The following UBXN11 variants were observed in gnomAD, a reference collection of about 807,000 sequenced individuals.
UBXN11 encodes the protein UBX domain protein 11.
UBXN11 carries 47 observed loss-of-function variants against 62.8 expected under a neutral mutation model. The observed-to-expected ratio is 0.75, with a 90% CI of 0.59 to 0.95. The LOEUF is 0.95. Ranked by LOEUF, UBXN11 falls within the 40% of genes least tolerant of loss-of-function variation. UBXN11 has a pLI of 0.00. For missense variants in UBXN11, 638 were observed against 661.7 expected, an observed-to-expected ratio of 0.96 and a Z score of 0.39; for synonymous variants, 294 against 267.0, an observed-to-expected ratio of 1.10 and a Z score of -0.99.
intron 1 of UBXN11, among the ~76,000 whole-genome samples, chr1:26,304,333 C>T (rs906334864): frequency 1.1e-4 from 16 of 152,158 alleles, no homozygotes; most frequent in African/African-American, 3.1e-4. Flanking sequence ...GGCAGCCTCA[C>T]GGGTTGTATG....
At chr1:26,284,300 C>A in intron 11 of UBXN11, 55 bp from the exon 12 acceptor site, 4 of 1,609,934 alleles carry the variant, frequency 2.5e-6, no homozygotes, top group Non-Finnish European at 3.4e-6. Flanking sequence ...GGTGGTGGAG[C>A]CCCCCTGGAG....
chr1:26,313,609 A>G (rs551270170), intron 1 of UBXN11, among the ~76,000 whole-genome samples: 1 of 152,282 alleles, frequency 6.6e-6, no homozygotes, highest in African/African-American at 2.4e-5. Context: ...GCAGGCACCC[A>G]ATAAACACAT....
chr1:26,306,833 G>GGGGGGT (rs2073680953), upstream of UBXN11: 35 of 32,142 alleles, frequency 1.1e-3, 1 homozygote, highest in Non-Finnish European at 2.9e-3. Context: ...GCGGGGTGGG[G>GGGGGGT]GGGGGGGGTG....
chr1:26,297,106 C>A, intron 6 of UBXN11, 111 bp from the exon 7 acceptor site: 1 of 1,259,664 alleles, frequency 7.9e-7, no homozygotes, highest in Non-Finnish European at 1.1e-6. Context: ...CCAAGAACTG[C>A]CTCTTGGCCC....
At chr1:26,287,841 G>A (rs1050581427) in intron 8 of UBXN11, among the ~76,000 whole-genome samples, 2 of 151,376 alleles carry the variant, frequency 1.3e-5, no homozygotes, top group Admixed American at 6.6e-5. Context: ...ACTACCTTAA[G>A]GACAAATAGG....
At chr1:26,300,900 C>T (rs755513090) in intron 4 of UBXN11, 26 bp downstream of exon 4, 109 of 1,614,016 alleles carry the variant, frequency 6.8e-5, no homozygotes, top group Middle Eastern at 3.3e-4. Context: ...AGCCAGGACC[C>T]AGACCCTTCA....
At chr1:26,314,335 G>A (rs916907743) in intron 1 of UBXN11, among the ~76,000 whole-genome samples, 3 of 152,118 alleles carry the variant, frequency 2.0e-5, no homozygotes, top group Non-Finnish European at 4.4e-5. Flanking sequence ...GGGGGAGTTT[G>A]TCAGGGCTCC....
In UBXN11 at chr1:26,315,082, C is replaced by T. The variant is rs573075976; in HGVS notation, c.-149+2965G>A. ...GGGTGACAACGGCAAGAACCTGACT[C>T]GAGGGGAAAAAAAAAGAGTTTGCCA... On this transcript the variant is annotated intron_variant, in intron 1 of 14. Transcript: ENST00000374217. Among the ~76,000 whole-genome samples the T allele has an allele frequency of 4.0e-4, 60 of 151,222 alleles. 1 individual carries two copies. In the South Asian group the frequency reaches 0.012, roughly 31 times the overall value.
At chr1:26,309,832 A>G (rs2073723489), upstream of UBXN11, among the ~76,000 whole-genome samples, 1 of 152,246 alleles carries the variant, frequency 6.6e-6, no homozygotes. Flanking sequence ...TAAATTTTCC[A>G]TAATGAGGCA....
chr1:26,297,096 C>T, intron 6 of UBXN11, 101 bp from the exon 7 acceptor site: 1 of 1,345,400 alleles, frequency 7.4e-7, no homozygotes, highest in Non-Finnish European at 1.0e-6. Context: ...TGGGGATCCC[C>T]CAAGAACTGC....
chr1:26,311,884 T>C (rs1351566834), intron 1 of UBXN11, among the ~76,000 whole-genome samples: 1 of 151,882 alleles, frequency 6.6e-6, no homozygotes, highest in Admixed American at 6.6e-5. Flanking sequence ...AATAAAGGAG[T>C]TCCTCCAAGT....
intron 12 of UBXN11, 140 bp from the exon 13 acceptor site, chr1:26,283,077 G>T: frequency 1.8e-6 from 2 of 1,081,722 alleles, no homozygotes; most frequent in Non-Finnish European, 2.7e-6. Flanking sequence ...TATAAACCAA[G>T]GCCAGAGGAG....
At chr1:26,310,527 A>G (rs2073730654), upstream of UBXN11, among the ~76,000 whole-genome samples, 1 of 124,080 alleles carries the variant, frequency 8.1e-6, no homozygotes. Flanking sequence ...AACAAGAGCA[A>G]GACTCCATCT....
chr1:26,313,691 G>C (rs1241019622), intron 1 of UBXN11, among the ~76,000 whole-genome samples: 1 of 151,772 alleles, frequency 6.6e-6, no homozygotes, highest in Non-Finnish European at 1.5e-5. Flanking sequence ...TGCCCAATCT[G>C]ATGTTAAACC....
intron 7 of UBXN11, among the ~76,000 whole-genome samples, chr1:26,295,654 C>G (rs1470652258): frequency 6.8e-6 from 1 of 146,424 alleles, no homozygotes; most frequent in Non-Finnish European, 1.5e-5. Context: ...TCCTCACTCA[C>G]CAGACATCAT....
chr1:26,296,173 C>T (rs2073387461), intron 7 of UBXN11, among the ~76,000 whole-genome samples: 1 of 152,220 alleles, frequency 6.6e-6, no homozygotes, highest in African/African-American at 2.4e-5. Context: ...GCCTGGTGTC[C>T]CTCTAGTTCC....
intron 7 of UBXN11, among the ~76,000 whole-genome samples, chr1:26,295,083 C>T (rs562446263): frequency 3.9e-5 from 6 of 152,286 alleles, no homozygotes; most frequent in African/African-American, 1.4e-4. Flanking sequence ...TTCACCCGAG[C>T]TCCAGACTCA....
chr1:26,301,064 G>C, intron 3 of UBXN11, 40 bp from the exon 4 acceptor site: 1 of 1,613,654 alleles, frequency 6.2e-7, no homozygotes, highest in East Asian at 2.2e-5. Context: ...CTGGGGCGGA[G>C]ACCCAGAGGA....
upstream of UBXN11, among the ~76,000 whole-genome samples, chr1:26,307,202 C>T (rs2073688464): frequency 1.3e-5 from 2 of 152,216 alleles, no homozygotes; most frequent in African/African-American, 4.8e-5. Context: ...AATTTCCCCT[C>T]CCAGAGCCTC....
Sources: gnomAD v4.1 joint callset for allele counts (sites outside exome capture counted in the v4.1 genomes callset) on GRCh38, gnomAD v4.1.1 for gene constraint, MANE v1.5 for transcripts, NCBI Gene and HGNC (gene_info 2026-07-23, HGNC 2026-07-21) for gene names.